The following FOCAD variants were observed in gnomAD, a reference collection of about 807,000 sequenced individuals.
The protein encoded by FOCAD is KIAA1797.
Under a neutral mutation model 225.6 loss-of-function variants are expected in FOCAD, and 198 were observed. The observed-to-expected ratio is 0.88, with a 90% confidence interval of 0.78 to 0.99. The LOEUF is 0.99. FOCAD is among the 50% of genes least tolerant of loss of function. FOCAD has a pLI of 0.00. For synonymous variants in FOCAD, 897 were observed against 755.0 expected (o/e 1.19, Z -3.08); for missense variants, 2,713 against 2,123.6 (o/e 1.28, Z -5.46).
At chr9:20,957,773 C>T (rs966796765) in intron 35 of FOCAD, among the ~76,000 whole-genome samples, 2 of 147,466 alleles carry the variant, frequency 1.4e-5, no homozygotes, top group Admixed American at 1.4e-4. Flanking sequence ...CCTCCTCTGC[C>T]TCCCAAAGTG....
At chr9:20,713,689 CA>C (rs1372675177) in intron 1 of FOCAD, among the ~76,000 whole-genome samples, 1 of 152,168 alleles carries the variant, frequency 6.6e-6, no homozygotes, top group Admixed American at 6.5e-5. Flanking sequence ...ACACAATAGG[CA>C]ACTAATAAGT....
chr9:20,697,213 A>G (rs1170410328), intron 1 of FOCAD, among the ~76,000 whole-genome samples: 1 of 152,176 alleles, frequency 6.6e-6, no homozygotes, highest in Non-Finnish European at 1.5e-5. Flanking sequence ...GTCCAAAGCA[A>G]TATGATTTAT....
chr9:20,729,662 A>G (rs758156010), intron 4 of FOCAD, among the ~76,000 whole-genome samples: 3 of 152,130 alleles, frequency 2.0e-5, no homozygotes, highest in Non-Finnish European at 2.9e-5. Flanking sequence ...GTAATTTCCA[A>G]AACAGAGAGG....
intron 1 of FOCAD, chr9:20,658,553 T>A (rs550966864): frequency 6.5e-6 from 1 of 153,988 alleles, no homozygotes; most frequent in South Asian, 2.0e-4. Context: ...AGGTGCCGTC[T>A]GTCACCCCTT....
chr9:20,751,271 T>A (rs921588799), intron 5 of FOCAD, among the ~76,000 whole-genome samples: 4 of 147,952 alleles, frequency 2.7e-5, no homozygotes, highest in African/African-American at 1.0e-4. Flanking sequence ...TAACTCGTCA[T>A]CTAGCATTAG....
chr9:20,765,835 G>T (rs1164574839), intron 7 of FOCAD, among the ~76,000 whole-genome samples: 1 of 152,094 alleles, frequency 6.6e-6, no homozygotes, highest in East Asian at 1.9e-4. Context: ...GCCTGGAATC[G>T]CAGCACCATG....
intron 1 of FOCAD, chr9:20,694,665 C>G (rs763512972): frequency 1.3e-5 from 2 of 152,114 alleles, no homozygotes; most frequent in African/African-American, 4.8e-5. Context: ...AAAACATACA[C>G]AGATTAATAG....
chr9:20,990,172 C>T lies in FOCAD; in HGVS notation c.5054C>T (p.Ala1685Val). Residue 1685 changes from alanine to valine, a missense_variant, in exon 42 of 44, where the codon GCT (alanine) becomes GTT (valine). Physicochemically the swap from Ala to Val is moderately conservative, Grantham distance 64. Coordinates refer to ENST00000338382, the MANE Select transcript of FOCAD (RefSeq NM_001375567.1). ...LIFATAVVAW[A>V]DHTAPLLLGL... Reference sequence around the variant, plus strand: ...TTTGCAACCGCAGTGGTTGCATGGGCTGACCACACTGCCCCTCTCCTCCTC... The same window carrying T: ...TTTGCAACCGCAGTGGTTGCATGGGTTGACCACACTGCCCCTCTCCTCCTC... The T allele has an allele frequency of 6.2e-7, 1 of 1,614,194 alleles. No homozygotes were observed. Among genetic ancestry groups the T allele is most frequent in the Non-Finnish European group, 8.5e-7 (1 of 1,180,004 alleles).
At chr9:20,960,171 T>C (rs10757160) in intron 35 of FOCAD, among the ~76,000 whole-genome samples, 107,182 of 151,956 alleles carry the variant, frequency 0.71, 38,430 homozygotes, top group East Asian at 0.9. Flanking sequence ...TTCTTGACTT[T>C]AACGAGTTTT....
chr9:20,784,568 G>A (rs1819722679), intron 10 of FOCAD, among the ~76,000 whole-genome samples: 1 of 152,118 alleles, frequency 6.6e-6, no homozygotes, highest in Non-Finnish European at 1.5e-5. Flanking sequence ...TTGTACAGGA[G>A]GGCAAAATTC....
intron 28 of FOCAD, among the ~76,000 whole-genome samples, chr9:20,937,526 A>G (rs1345459748): frequency 2.8e-4 from 43 of 151,730 alleles, no homozygotes; most frequent in African/African-American, 1.0e-3. Flanking sequence ...GGCTAGCCAT[A>G]TGTAGAAAGC....
At chr9:20,701,346 C>G (rs1418127484) in intron 1 of FOCAD, among the ~76,000 whole-genome samples, 1 of 152,222 alleles carries the variant, frequency 6.6e-6, no homozygotes. Flanking sequence ...ATTTCCCTGT[C>G]TCATTGAGCT....
chr9:20,824,071 C>G (rs1042080990), intron 15 of FOCAD, among the ~76,000 whole-genome samples: 4 of 152,058 alleles, frequency 2.6e-5, no homozygotes, highest in Admixed American at 2.6e-4. Flanking sequence ...TGTTTAAAAA[C>G]TGATGTGTGG....
intron 8 of FOCAD, among the ~76,000 whole-genome samples, chr9:20,777,016 CAT>C (rs950159537): frequency 2.6e-5 from 4 of 152,076 alleles, no homozygotes; most frequent in African/African-American, 9.7e-5. Flanking sequence ...ACAATGAACA[CAT>C]ATATTCCTAA....
chr9:20,749,706 A>T (rs1466235223), intron 5 of FOCAD, among the ~76,000 whole-genome samples: 1 of 152,192 alleles, frequency 6.6e-6, no homozygotes, highest in Non-Finnish European at 1.5e-5. Flanking sequence ...TTCCTCACAC[A>T]GAAAAGGCAA....
intron 42 of FOCAD, among the ~76,000 whole-genome samples, chr9:20,992,421 A>G (rs1044635949): frequency 6.6e-5 from 10 of 152,122 alleles, no homozygotes; most frequent in Non-Finnish European, 1.3e-4. Context: ...TGTGTTTTCT[A>G]TTTACTGCCC....
chr9:20,897,063 A>T (rs1832150940), intron 21 of FOCAD: 1 of 151,800 alleles, frequency 6.6e-6, no homozygotes, highest in African/African-American at 2.4e-5. Context: ...TGCCTTATAT[A>T]TTTTGATGCT....
intron 2 of FOCAD, among the ~76,000 whole-genome samples, chr9:20,665,501 T>C (rs1349443053): frequency 6.6e-6 from 1 of 152,204 alleles, no homozygotes; most frequent in Admixed American, 6.5e-5. Context: ...TGGTCTGTAT[T>C]GTGTCAGGAC....
intron 43 of FOCAD, among the ~76,000 whole-genome samples, chr9:20,994,645 C>A (rs1056324690): frequency 2.0e-5 from 3 of 152,194 alleles, no homozygotes; most frequent in Non-Finnish European, 4.4e-5. Flanking sequence ...CACTGAAAAT[C>A]AGGGCTGTGG....
Sources: gnomAD v4.1 joint callset for allele counts (sites outside exome capture counted in the v4.1 genomes callset) on GRCh38, gnomAD v4.1.1 for gene constraint, MANE v1.5 for transcripts, NCBI Gene and HGNC (gene_info 2026-07-23, HGNC 2026-07-21) for gene names.